Variants in ANGPTL1 observed in about 807,000 individuals in gnomAD.
ANGPTL1 encodes the protein angiopoietin like 1, also known as angiopoietin-related protein 1.
ANGPTL1 carries 36 observed loss-of-function variants against 46.7 expected under a neutral mutation model. The ratio of observed to expected loss-of-function variants is 0.77; its 90% CI spans 0.59 to 1.02. ANGPTL1 has a LOEUF of 1.02. ANGPTL1 is among the 50% of genes least tolerant of loss of function. The probability of loss-of-function intolerance (pLI) is 0.00; values close to 1 mark genes in which losing one functional copy is unlikely to be tolerated. For synonymous variants in ANGPTL1, 221 were observed against 204.3 expected (o/e 1.08, Z -0.69); for missense variants, 571 against 594.7 (o/e 0.96, Z 0.41).
chr1:178,863,446 G>A (rs1658168679), intron 3 of ANGPTL1, among the ~76,000 whole-genome samples: 1 of 152,200 alleles, frequency 6.6e-6, no homozygotes, highest in Non-Finnish European at 1.5e-5. Context: ...AATAGTCAGT[G>A]ATTTGGGGAA....
intron 2 of ANGPTL1, among the ~76,000 whole-genome samples, chr1:178,867,015 G>A (rs1210035728): frequency 1.3e-5 from 2 of 151,996 alleles, no homozygotes; most frequent in African/African-American, 2.4e-5. Context: ...TCACTCTTGC[G>A]AACTTCATAC....
chr1:178,855,670 T>G (rs1257357289), intron 3 of ANGPTL1, among the ~76,000 whole-genome samples: 1 of 151,850 alleles, frequency 6.6e-6, no homozygotes, highest in Non-Finnish European at 1.5e-5. Context: ...TATCTTTGCA[T>G]TCGTTATAAA....
rs139127169 is a variant in ANGPTL1, at chr1:178,867,947, G to T, written c.-27+1167C>A. Among the ~76,000 whole-genome samples, 19 of 152,042 alleles carry T rather than the reference G, an allele frequency of 1.2e-4. 1 individual carries two copies. The highest frequency in any genetic ancestry group is 4.6e-4 in the African/African-American group (19 of 41,518). The stretch of plus-strand genomic sequence containing the variant: ...TTCAATTGAATAGTGTCTTCAAAAT[G>T]GGTAGATAATGAAAATAAGGCAAAT... On this transcript the variant is annotated intron_variant, in intron 2 of 5. Transcript: ENST00000234816.
chr1:178,865,814 C>T lies in ANGPTL1; in HGVS notation c.-26-12G>A. ...TTGTAAAATGATGTCTTTTGAAAAA[C>T]AAATCAGTGAAGGAGAAAAAGCAAA... On this transcript the variant is annotated splice_polypyrimidine_tract_variant and intron_variant, in intron 2 of 5. Transcript: ENST00000234816. The T allele has an allele frequency of 6.8e-7, 1 of 1,473,968 alleles. No individual in the cohort carries two copies. Among genetic ancestry groups the T allele is most frequent in the Non-Finnish European group, 9.1e-7 (1 of 1,097,932 alleles). The allele number at this position is 1,473,968 out of a possible 1,614,324, so 91.3% of individuals were successfully genotyped here. A position where few individuals can be genotyped will look rare whatever the true frequency, so the allele number is the denominator to read the frequency against.
chr1:178,851,563 A>C (rs1657178664), intron 5 of ANGPTL1, among the ~76,000 whole-genome samples: 1 of 152,102 alleles, frequency 6.6e-6, no homozygotes, highest in African/African-American at 2.4e-5. Flanking sequence ...AGGGGGATTT[A>C]ATTTTCTAGT....
intron 3 of ANGPTL1, among the ~76,000 whole-genome samples, chr1:178,864,386 C>T (rs1658242168): frequency 6.6e-6 from 1 of 152,004 alleles, no homozygotes; most frequent in South Asian, 2.1e-4. Context: ...GGCAAGAAGG[C>T]ATGGCTTTTG....
intron 3 of ANGPTL1, among the ~76,000 whole-genome samples, chr1:178,862,349 A>G (rs1658083248): frequency 6.6e-6 from 1 of 152,180 alleles, no homozygotes; most frequent in African/African-American, 2.4e-5. Context: ...CACCAAATCA[A>G]CTAACACATA....
Position 178,865,261 on chromosome 1 carries a change from G to A in ANGPTL1, c.516C>T (p.Tyr172=), listed in dbSNP as rs754770579. ...AAGCGTATTTCACCTCTAGTTCCCT[G>A]TATCTTGTTGCCATCTTCAACATTT... ...TTEMLKMATR[Y]RELEVKYASL... is the part of the protein sequence containing the mutation. Residue 172 remains tyrosine (Y), a synonymous_variant, in exon 3 of 6, where the codon TAC becomes TAT. Transcript: ENST00000234816. 4.3e-6 allele frequency: 7 copies of A among 1,614,102 alleles called. No homozygotes were observed. In the Admixed American group the frequency reaches 8.3e-5, roughly 19 times the overall value.
rs140323337 is a variant in ANGPTL1, at chr1:178,865,040, G to A, written c.737C>T (p.Pro246Leu). ...GNEIQRDPGY[P>L]RDLMPPPDLA... is the part of the protein sequence containing the mutation. ...ATCAGGTGGTGGCATTAAATCTCTGGGATAACCTGGATCCCTCTGAATCTC... is the reference window on the plus strand; with the variant it reads ...ATCAGGTGGTGGCATTAAATCTCTGAGATAACCTGGATCCCTCTGAATCTC... The change falls in exon 3 of 6, where the codon CCC (proline) becomes CTC (leucine). Residue 246 changes from proline (P) to leucine (L), a missense_variant. Physicochemically the swap from Pro to Leu is moderately conservative, Grantham distance 98. Transcript: ENST00000234816. 2.7e-6 allele frequency: 4 copies of A among 1,496,132 alleles called. No individual in the cohort carries two copies. In the African/African-American group the frequency reaches 5.6e-5, roughly 21 times the overall value. 92.7% of individuals were successfully genotyped at this position (1,496,132 alleles called of 1,614,324 possible).
At chr1:178,862,696 A>G (rs974623276) in intron 3 of ANGPTL1, among the ~76,000 whole-genome samples, 12 of 152,100 alleles carry the variant, frequency 7.9e-5, no homozygotes, top group Non-Finnish European at 1.8e-4. Context: ...GCATGAAAAT[A>G]TTTAGGGGAA....
At chr1:178,864,856 CAT>C in intron 3 of ANGPTL1, 96 bp downstream of exon 3, 2 of 796,758 alleles carry the variant, frequency 2.5e-6, no homozygotes, top group Non-Finnish European at 3.5e-6. Flanking sequence ...ACATATATAA[CAT>C]CGCAAAATGA....
chr1:178,857,782 T>C (rs1657693259), intron 3 of ANGPTL1, among the ~76,000 whole-genome samples: 2 of 152,190 alleles, frequency 1.3e-5, no homozygotes, highest in African/African-American at 4.8e-5. Context: ...GGTTGGACTT[T>C]TATTAGGTTA....
At chr1:178,866,975 T>G (rs963852324) in intron 2 of ANGPTL1, among the ~76,000 whole-genome samples, 1 of 152,112 alleles carries the variant, frequency 6.6e-6, no homozygotes, top group African/African-American at 2.4e-5. Flanking sequence ...TCAGATCTAC[T>G]AACGAGCTGG....
At chr1:178,857,407 A>G (rs1460430295) in intron 3 of ANGPTL1, among the ~76,000 whole-genome samples, 1 of 152,184 alleles carries the variant, frequency 6.6e-6, no homozygotes, top group African/African-American at 2.4e-5. Flanking sequence ...TTTTAGGCTC[A>G]AGGGATAAAG....
intron 3 of ANGPTL1, among the ~76,000 whole-genome samples, chr1:178,860,037 G>T (rs925264763): frequency 6.6e-6 from 1 of 151,914 alleles, no homozygotes; most frequent in African/African-American, 2.4e-5. Flanking sequence ...TACAAAAGAG[G>T]CAACTGGACC....
chr1:178,869,644 C>A (rs562358113), intron 1 of ANGPTL1, among the ~76,000 whole-genome samples: 49 of 151,988 alleles, frequency 3.2e-4, no homozygotes, highest in Admixed American at 7.9e-4. Flanking sequence ...TAACAGAAAT[C>A]CTGCCAGCAT....
At position 178,865,090 on chromosome 1, in the gene ANGPTL1, A is replaced by G. The variant is rs1243768985; in HGVS notation, c.687T>C (p.Tyr229=). The G allele has an allele frequency of 1.3e-6, 2 of 1,558,880 alleles. No homozygotes were observed. Among genetic ancestry groups the G allele is most frequent in the East Asian group, 4.5e-5 (2 of 44,354 alleles). ...VPQHIPNSQQ[Y]TPGLLGGNEI... Reference sequence around the variant, plus strand: ...CGTTACCTCCCAGCAGACCAGGAGTATACTGTTGGCTGTTAGGAATATGTT... The same window carrying G: ...CGTTACCTCCCAGCAGACCAGGAGTGTACTGTTGGCTGTTAGGAATATGTT... The change falls in exon 3 of 6, where the codon TAT becomes TAC. Residue 229 remains tyrosine (Y), a synonymous_variant. Transcript: ENST00000234816.
chr1:178,868,384 A>G (rs1433126150), intron 2 of ANGPTL1, among the ~76,000 whole-genome samples: 2 of 151,992 alleles, frequency 1.3e-5, no homozygotes, highest in African/African-American at 2.4e-5. Context: ...GCTAAAGTCC[A>G]TTCATTTTAA....
intron 3 of ANGPTL1, among the ~76,000 whole-genome samples, chr1:178,859,463 T>G (rs12125050): frequency 0.084 from 12,223 of 145,470 alleles, 527 homozygotes; most frequent in African/African-American, 0.094. Flanking sequence ...GAGTGCAGTG[T>G]CACGATCTCG....
Sources: allele counts gnomAD v4.1 joint callset (sites outside exome capture counted in the v4.1 genomes callset), GRCh38; gene constraint gnomAD v4.1.1; transcripts MANE v1.5; gene names NCBI Gene and HGNC (gene_info 2026-07-23, HGNC 2026-07-21).